The following PRKG1 variants were observed in gnomAD, a reference collection of about 807,000 sequenced individuals.
PRKG1 encodes the protein protein kinase cGMP-dependent 1.
In PRKG1, 35 loss-of-function variants were observed where a neutral mutation model predicts 88.1. The ratio of observed to expected loss-of-function variants is 0.40; its 90% confidence interval spans 0.30 to 0.53. The LOEUF is 0.53. PRKG1 is among the 20% of genes least tolerant of loss of function. The probability of loss-of-function intolerance (pLI) is 0.59; values close to 1 mark genes in which losing one functional copy is unlikely to be tolerated. For synonymous variants in PRKG1, 303 were observed against 292.5 expected, an observed-to-expected ratio of 1.04 and a Z score of -0.37; for missense variants, 540 against 839.8, an observed-to-expected ratio of 0.64 and a Z score of 4.41.
intron 5 of PRKG1, among the ~76,000 whole-genome samples, chr10:51,929,346 CTTTTTTTT>C (rs67175480): frequency 9.1e-6 from 1 of 109,670 alleles, no homozygotes; most frequent in Non-Finnish European, 1.8e-5. Context: ...GAATTCCTTC[CTTTTTTTT>C]TTTTTTTTTT....
intron 2 of PRKG1, among the ~76,000 whole-genome samples, chr10:51,461,444 G>A (rs1414741784): frequency 6.6e-6 from 1 of 152,124 alleles, no homozygotes; most frequent in African/African-American, 2.4e-5. Context: ...ACATATATAT[G>A]TGTAATGAGA....
intron 3 of PRKG1, among the ~76,000 whole-genome samples, chr10:51,683,234 G>A (rs1004354842): frequency 1.3e-5 from 2 of 152,068 alleles, no homozygotes; most frequent in Non-Finnish European, 2.9e-5. Context: ...GCTAATCCCA[G>A]CACTTTGGGA....
intron 7 of PRKG1, among the ~76,000 whole-genome samples, chr10:52,092,881 G>A (rs751606470): frequency 2.0e-5 from 3 of 152,138 alleles, no homozygotes; most frequent in Non-Finnish European, 2.9e-5. Flanking sequence ...TGCATGGTAA[G>A]TATGGTTTTA....
chr10:51,634,764 A>G (rs966993553), intron 3 of PRKG1, among the ~76,000 whole-genome samples: 4 of 152,126 alleles, frequency 2.6e-5, no homozygotes, highest in African/African-American at 7.2e-5. Context: ...ATAAAAAAGA[A>G]TGAGATTCTA....
chr10:52,040,967 G>A (rs549257380), intron 5 of PRKG1, among the ~76,000 whole-genome samples: 1 of 150,158 alleles, frequency 6.7e-6, no homozygotes, highest in South Asian at 2.1e-4. Flanking sequence ...CTTCTGAGTA[G>A]CTGGGATTAC....
chr10:51,364,232 T>G (rs1050398593), intron 2 of PRKG1, among the ~76,000 whole-genome samples: 2 of 152,002 alleles, frequency 1.3e-5, no homozygotes, highest in Non-Finnish European at 2.9e-5. Flanking sequence ...CACTCTATGG[T>G]TAGCTTTTTG....
In PRKG1 at chr10:51,153,265, A is replaced by G; in HGVS notation, c.413A>G (p.Glu138Gly). The stretch of plus-strand genomic sequence containing the variant: ...ATTGTGGATTGTATGTACCCGGTGG[A>G]GTATGGCAAGGACAGTTGCATCATC... ...QEIVDCMYPV[E>G]YGKDSCIIKE... Residue 138 changes from glutamate to glycine, a missense_variant, in exon 2 of 18, where the codon GAG (glutamate) becomes GGG (glycine). Glu to Gly is a moderately conservative substitution (Grantham distance 98). Coordinates refer to ENST00000373980, the MANE Select transcript of PRKG1 (RefSeq NM_006258.4). The G allele has an allele frequency of 6.2e-7, 1 of 1,612,520 alleles. No homozygotes were observed. The highest frequency in any genetic ancestry group is 8.5e-7 in the Non-Finnish European group (1 of 1,179,004).
intron 2 of PRKG1, among the ~76,000 whole-genome samples, chr10:51,375,329 G>T (rs1216140247): frequency 6.6e-6 from 1 of 152,054 alleles, no homozygotes; most frequent in East Asian, 1.9e-4. Flanking sequence ...TAGAATAGTG[G>T]CTGGCATAGA....
At chr10:52,088,552 G>A (rs1846973674) in intron 7 of PRKG1, among the ~76,000 whole-genome samples, 1 of 152,022 alleles carries the variant, frequency 6.6e-6, no homozygotes, top group African/African-American at 2.4e-5. Context: ...TCTATCTCCT[G>A]TGCTGTGTGT....
intron 3 of PRKG1, chr10:51,698,423 G>A (rs1356060155): frequency 6.2e-7 from 1 of 1,613,956 alleles, no homozygotes; most frequent in Non-Finnish European, 8.5e-7. Flanking sequence ...CTCATGTGAG[G>A]AAGGGCCACG....
At chr10:51,743,613 T>A in intron 3 of PRKG1, among the ~76,000 whole-genome samples, 1 of 135,174 alleles carries the variant, frequency 7.4e-6, no homozygotes, top group Non-Finnish European at 1.5e-5. Context: ...CCTTTATTTC[T>A]CCCCACTTGT....
intron 4 of PRKG1, among the ~76,000 whole-genome samples, chr10:51,858,127 T>A (rs866932242): frequency 3.6e-5 from 1 of 27,958 alleles, no homozygotes; most frequent in African/African-American, 2.7e-4. Context: ...TAATATATAT[T>A]ATATATATAC....
intron 3 of PRKG1, among the ~76,000 whole-genome samples, chr10:51,687,302 A>G (rs925381752): frequency 6.6e-6 from 1 of 152,244 alleles, no homozygotes; most frequent in African/African-American, 2.4e-5. Context: ...AAATGAAGTA[A>G]CAGAACAAAC....
chr10:52,154,313 G>C (rs1910536), intron 8 of PRKG1, among the ~76,000 whole-genome samples: 45,883 of 152,004 alleles, frequency 0.3, 7,161 homozygotes, highest in East Asian at 0.41. Context: ...GACAGTAACA[G>C]AAATCTGTAC....
intron 1 of PRKG1, among the ~76,000 whole-genome samples, chr10:51,140,229 A>G (rs1389407558): frequency 1.3e-5 from 2 of 152,196 alleles, no homozygotes; most frequent in African/African-American, 4.8e-5. Context: ...TGTGACCTTT[A>G]AAACACTTTC....
chr10:51,515,804 G>A (rs1463045459), intron 3 of PRKG1, among the ~76,000 whole-genome samples: 2 of 152,132 alleles, frequency 1.3e-5, no homozygotes, highest in Admixed American at 1.3e-4. Context: ...TTGCAGGAGG[G>A]AGTACAGGAG....
chr10:51,016,679 T>TTTTTTTTTTTTTTTTTTTTTTTTG (rs1843069562), intron 1 of PRKG1, among the ~76,000 whole-genome samples: 1 of 104,828 alleles, frequency 9.5e-6, no homozygotes, highest in Non-Finnish European at 1.9e-5. Flanking sequence ...CTTTCTTTTT[T>TTTTTTTTTTTTTTTTTTTTTTTTG]TTTTTTTTTT....
intron 3 of PRKG1, among the ~76,000 whole-genome samples, chr10:51,667,461 T>A (rs1230961320): frequency 2.0e-5 from 3 of 152,200 alleles, no homozygotes; most frequent in African/African-American, 7.2e-5. Flanking sequence ...ATTGTAATAG[T>A]GTTAAATAAT....
chr10:52,059,181 G>T (rs1167698299), intron 6 of PRKG1, among the ~76,000 whole-genome samples: 1 of 151,960 alleles, frequency 6.6e-6, no homozygotes, highest in Non-Finnish European at 1.5e-5. Context: ...TGCTAGTGAG[G>T]ATGCAGAGCA....
Sources: gnomAD v4.1 joint callset for allele counts (sites outside exome capture counted in the v4.1 genomes callset) on GRCh38, gnomAD v4.1.1 for gene constraint, MANE v1.5 for transcripts, NCBI Gene and HGNC (gene_info 2026-07-23, HGNC 2026-07-21) for gene names.